The following RXRA variants were observed in gnomAD, a reference collection of about 807,000 sequenced individuals.
The protein encoded by RXRA is retinoid X receptor alpha.
A neutral mutation model predicts 44.5 loss-of-function variants in RXRA; 5 were observed. That is an observed-to-expected ratio of 0.11 (90% CI 0.06 to 0.24). The LOEUF (loss-of-function observed/expected upper bound fraction) is 0.24, where lower values mean the gene tolerates loss of function less well. Among genes scored for constraint, RXRA ranks in the 10% least tolerant of loss-of-function variants. RXRA has a pLI of 1.00. For synonymous variants in RXRA, 291 were observed against 271.4 expected, an observed-to-expected ratio of 1.07 and a Z score of -0.71; for missense variants, 412 against 646.5, an observed-to-expected ratio of 0.64 and a Z score of 3.93.
chr9:134,353,000 G>A (rs1056921993), intron 1 of RXRA, among the ~76,000 whole-genome samples: 2 of 152,116 alleles, frequency 1.3e-5, no homozygotes, highest in Non-Finnish European at 2.9e-5. Context: ...TGTGACGTTT[G>A]TTGACACCCT....
intron 1 of RXRA, among the ~76,000 whole-genome samples, chr9:134,340,939 C>T (rs1000349662): frequency 2.0e-4 from 30 of 152,344 alleles, no homozygotes; most frequent in African/African-American, 4.8e-4. Context: ...AGGAAGGCTT[C>T]CTCTAATTGT....
rs782591175 is a variant in RXRA at position 134,342,366 on chromosome 9, CAGAG to C, written c.28+15710_28+15713del. 6.6e-6 allele frequency among the ~76,000 whole-genome samples: 1 copy of C among 152,272 alleles called. No individual in the cohort carries two copies. The highest frequency in any genetic ancestry group is 1.9e-4 in the East Asian group (1 of 5,170). The stretch of plus-strand genomic sequence containing the variant: ...CTCATTTACAGAGGGGGCCTGGGCT[CAGAG>C]AGGCTGAGCCGATCTTCAAGGCCAC... On this transcript the variant is annotated intron_variant, in intron 1 of 9. Coordinates refer to ENST00000481739, the MANE Select transcript of RXRA (RefSeq NM_002957.6). This position sits in a 1 kb window ranked among gnomAD's most constrained non-coding sequence, Gnocchi z 4.4.
At chr9:134,381,592 G>A (rs945739746) in intron 1 of RXRA, among the ~76,000 whole-genome samples, 4 of 152,082 alleles carry the variant, frequency 2.6e-5, no homozygotes, top group Non-Finnish European at 2.9e-5. Flanking sequence ...TGTGGCGCCC[G>A]CCCTTCTCCC....
rs1191309777 is a variant in RXRA at position 134,437,651 on chromosome 9, C to T, written c.*1037C>T. ...CAGGTGGCCTGGAGAGAGAGGGGCT[C>T]AGGAACTGGGAGCCTCGTGGGTGGG... On this transcript the variant is annotated 3_prime_UTR_variant, in exon 10 of 10. Coordinates refer to ENST00000481739, the MANE Select transcript of RXRA (RefSeq NM_002957.6). 2 of 152,310 alleles carry T rather than the reference C, an allele frequency of 1.3e-5. No individual in the cohort carries two copies. Among genetic ancestry groups the T allele is most frequent in the East Asian group, 1.9e-4 (1 of 5,188 alleles). 9.4% of individuals were successfully genotyped at this position (152,310 alleles called of 1,614,324 possible).
In RXRA at chr9:134,358,410, C is replaced by A. The variant is rs1052258815; in HGVS notation, c.28+31751C>A. ...AGGGAGGGCTTCCTGGGGGAGGTAA[C>A]AGGGAACATATGGGGAACAGCATAT... On this transcript the variant is annotated intron_variant, in intron 1 of 9. Coordinates refer to ENST00000481739, the MANE Select transcript of RXRA (RefSeq NM_002957.6). 3.3e-5 allele frequency among the ~76,000 whole-genome samples: 5 copies of A among 152,308 alleles called. No homozygotes were observed. In the South Asian group the frequency reaches 1.0e-3, roughly 32 times the overall value.
intron 1 of RXRA, among the ~76,000 whole-genome samples, chr9:134,354,605 C>T (rs1362447613): frequency 1.3e-5 from 2 of 152,236 alleles, no homozygotes; most frequent in Admixed American, 6.5e-5. Flanking sequence ...ACCAGGGCTC[C>T]CTGGTGATTC....
At chr9:134,420,513 C>T (rs1465626453) in intron 5 of RXRA, among the ~76,000 whole-genome samples, 2 of 152,218 alleles carry the variant, frequency 1.3e-5, no homozygotes, top group Non-Finnish European at 2.9e-5. Flanking sequence ...AGGGTCCTGG[C>T]GAGTCTCTGT....
chr9:134,406,329 G>A (rs1211943917), intron 2 of RXRA: 1 of 151,526 alleles, frequency 6.6e-6, no homozygotes, highest in African/African-American at 2.4e-5. Flanking sequence ...GGAAGTTTGA[G>A]GCTGCAGTGA....
intron 1 of RXRA, among the ~76,000 whole-genome samples, chr9:134,362,554 C>G (rs548296733): frequency 2.0e-5 from 3 of 152,374 alleles, no homozygotes; most frequent in South Asian, 2.1e-4. Context: ...TGGCATGGCA[C>G]AGGCCTTCAT....
At chr9:134,374,455 G>A (rs767922962) in intron 1 of RXRA, among the ~76,000 whole-genome samples, 7 of 152,216 alleles carry the variant, frequency 4.6e-5, no homozygotes, top group African/African-American at 9.6e-5. Context: ...TGTGGGCTGC[G>A]CTGGTCACTG....
rs748140724 is a variant in RXRA, at chr9:134,417,159, C to T, written c.612C>T (p.Ala204=). Residue 204 remains alanine, a splice_region_variant and synonymous_variant, in exon 5 of 10, where the codon GCC becomes GCT. Transcript: ENST00000481739. The surrounding 1 kb of genome is among the most constrained non-coding windows in gnomAD (Gnocchi z 6.1). ...KCLAMGMKRE[A]VQEERQRGKD... The stretch of plus-strand genomic sequence containing the variant: ...TCACCTGCGCCTCCCGGGTTGTAGC[C>T]GTGCAGGAGGAGCGGCAGCGTGGCA... 2.6e-5 allele frequency: 42 copies of T among 1,610,376 alleles called. No homozygotes were observed. Among genetic ancestry groups the T allele is most frequent in the Middle Eastern group, 1.6e-4 (1 of 6,076 alleles).
At chr9:134,329,182 A>G (rs1721805775) in intron 1 of RXRA, among the ~76,000 whole-genome samples, 1 of 152,200 alleles carries the variant, frequency 6.6e-6, no homozygotes, top group South Asian at 2.1e-4. Flanking sequence ...GAGTTGGGGC[A>G]CTTGGGGGCC....
chr9:134,386,267 C>T (rs373315643), intron 1 of RXRA, among the ~76,000 whole-genome samples: 4 of 152,268 alleles, frequency 2.6e-5, no homozygotes, highest in South Asian at 2.1e-4. Context: ...CGCCGGCCAG[C>T]GGCCGATGGG....
chr9:134,339,111 CT>C (rs57732294), intron 1 of RXRA, among the ~76,000 whole-genome samples: 49,120 of 152,106 alleles, frequency 0.32, 8,145 homozygotes, highest in African/African-American at 0.38. Flanking sequence ...GTCACCCCCC[CT>C]GGGGTTGGCC....
intron 1 of RXRA, among the ~76,000 whole-genome samples, chr9:134,374,331 C>T (rs1342909335): frequency 6.6e-6 from 1 of 152,234 alleles, no homozygotes; most frequent in Non-Finnish European, 1.5e-5. Flanking sequence ...TGAGGAAAGG[C>T]CAACCTGGTG....
At chr9:134,372,979 G>T (rs1379763977) in intron 1 of RXRA, among the ~76,000 whole-genome samples, 2 of 152,232 alleles carry the variant, frequency 1.3e-5, no homozygotes, top group African/African-American at 4.8e-5. Context: ...TGCCTGCTGG[G>T]TGGGGCCTGG....
chr9:134,327,031 C>G lies in RXRA; in HGVS notation c.28+372C>G, dbSNP rs543403102. On this transcript the variant is annotated intron_variant, in intron 1 of 9. Transcript: ENST00000481739. Reference sequence around the variant, plus strand: ...GAGCAACTTCTGCGCTCCGCGGCTCCGGCCTCCCTGGCCTGGGGACCGGGA... The same window carrying G: ...GAGCAACTTCTGCGCTCCGCGGCTCGGGCCTCCCTGGCCTGGGGACCGGGA... Among the ~76,000 whole-genome samples, 97 of 151,986 alleles carry G rather than the reference C, an allele frequency of 6.4e-4. 3 individuals are homozygous for G. In the South Asian group the frequency reaches 6.4e-3, roughly 10 times the overall value.
intron 2 of RXRA, chr9:134,404,371 A>C (rs1316748973): frequency 6.6e-6 from 1 of 152,426 alleles, no homozygotes; most frequent in Non-Finnish European, 1.5e-5. Context: ...AGCTGTCCCA[A>C]ATCTCTTCCC....
chr9:134,394,955 GATAATA>G (rs936135100), intron 1 of RXRA, among the ~76,000 whole-genome samples: 1 of 152,210 alleles, frequency 6.6e-6, no homozygotes, highest in African/African-American at 2.4e-5. Context: ...CAGGGGTGGT[GATAATA>G]AAAGTGGGTT....
Sources: gnomAD v4.1 joint callset for allele counts (sites outside exome capture counted in the v4.1 genomes callset) on GRCh38, gnomAD v4.1.1 for gene constraint, Gnocchi (gnomAD v3.1) non-coding constraint, MANE v1.5 for transcripts, NCBI Gene and HGNC (gene_info 2026-07-23, HGNC 2026-07-21) for gene names.